Variants in CAPZA2 observed in about 807,000 individuals in gnomAD.
CAPZA2 encodes the protein capping actin protein of muscle Z-line subunit alpha 2.
In CAPZA2, 13 loss-of-function variants were observed where a neutral mutation model predicts 44.0. That is an observed-to-expected ratio of 0.30 (90% CI 0.19 to 0.47). CAPZA2 has a LOEUF of 0.47. Among genes scored for constraint, CAPZA2 ranks in the 20% least tolerant of loss-of-function variants. CAPZA2 has a pLI of 1.00. For synonymous variants in CAPZA2, 94 were observed against 108.2 expected (o/e 0.87, Z 0.81); for missense variants, 244 against 338.6 (o/e 0.72, Z 2.19).
At chr7:116,881,694 G>C (rs961371247) in intron 1 of CAPZA2, among the ~76,000 whole-genome samples, 1 of 133,810 alleles carries the variant, frequency 7.5e-6, no homozygotes, top group Non-Finnish European at 1.5e-5. Flanking sequence ...AGCCAAGATC[G>C]CACCACTGCA....
At chr7:116,890,864 A>G (rs1463463944) in intron 2 of CAPZA2, among the ~76,000 whole-genome samples, 1 of 147,288 alleles carries the variant, frequency 6.8e-6, no homozygotes, top group Non-Finnish European at 1.5e-5. Flanking sequence ...TTCTATTTTT[A>G]TTGAAAACCA....
rs1791733543 is a variant in CAPZA2, at chr7:116,919,460, C to T, written c.*1593C>T. ...CAGTTAGGCCATCATGAGTTTCTATCCCATGAAAGTCATCAATTTCCTATC... is the reference window on the plus strand; with the variant it reads ...CAGTTAGGCCATCATGAGTTTCTATTCCATGAAAGTCATCAATTTCCTATC... On this transcript the variant is annotated 3_prime_UTR_variant, in exon 10 of 10. Transcript: ENST00000361183. 6.6e-6 allele frequency: 1 copy of T among 151,634 alleles called. No individual in the cohort carries two copies. Among genetic ancestry groups the T allele is most frequent in the Non-Finnish European group, 1.5e-5 (1 of 67,972 alleles). 9.4% of individuals were successfully genotyped at this position (151,634 alleles called of 1,614,324 possible).
chr7:116,869,963 G>A (rs1039321342), intron 1 of CAPZA2, among the ~76,000 whole-genome samples: 2 of 152,034 alleles, frequency 1.3e-5, no homozygotes, highest in African/African-American at 2.4e-5. Flanking sequence ...TCTGCCTCCC[G>A]GGTTCAGGCA....
At chr7:116,866,782 A>G (rs796106085) in intron 1 of CAPZA2, among the ~76,000 whole-genome samples, 32 of 152,222 alleles carry the variant, frequency 2.1e-4, no homozygotes, top group African/African-American at 5.8e-4. Flanking sequence ...TCCCAGGTAC[A>G]TAGCTGTAGC....
intron 6 of CAPZA2, among the ~76,000 whole-genome samples, chr7:116,906,969 TG>T (rs1791522802): frequency 6.6e-6 from 1 of 152,248 alleles, no homozygotes; most frequent in African/African-American, 2.4e-5. Flanking sequence ...TACAAAATTC[TG>T]AGGTTCTTTA....
At chr7:116,888,378 C>G (rs888747887) in intron 2 of CAPZA2, 188 bp downstream of exon 2, 2 of 437,026 alleles carry the variant, frequency 4.6e-6, no homozygotes, top group Non-Finnish European at 8.0e-6. Context: ...TATGATGATT[C>G]TGTTAGCAAA....
At chr7:116,882,286 G>A (rs927630011) in intron 1 of CAPZA2, among the ~76,000 whole-genome samples, 4 of 152,102 alleles carry the variant, frequency 2.6e-5, no homozygotes, top group Non-Finnish European at 5.9e-5. Flanking sequence ...GGTCACCCAA[G>A]GTGGTTTTCT....
At position 116,904,044 on chromosome 7, in the gene CAPZA2, T is replaced by C; in HGVS notation, c.220-133T>C. The C allele has an allele frequency of 4.8e-6, 3 of 620,962 alleles. No homozygotes were observed. The South Asian group carries it at 6.1e-5, about 13-fold the overall frequency. 38.5% of individuals were successfully genotyped at this position (620,962 alleles called of 1,614,324 possible). A position where few individuals can be genotyped will look rare whatever the true frequency, so the allele number is the denominator to read the frequency against. ...TTGAAGTATTAATAGTTGTACCATA[T>C]GGTTAAAATATATGCTTGGAGTAGG... On this transcript the variant is annotated intron_variant, in intron 4 of 9. Transcript: ENST00000361183.
At chr7:116,872,824 C>T (rs966244554) in intron 1 of CAPZA2, among the ~76,000 whole-genome samples, 1 of 152,078 alleles carries the variant, frequency 6.6e-6, no homozygotes, top group Non-Finnish European at 1.5e-5. Flanking sequence ...CAAGTAAAAC[C>T]TATAAGTCAT....
chr7:116,917,604 T>G (rs745559230), intron 9 of CAPZA2, 123 bp from the exon 10 acceptor site: 15 of 743,012 alleles, frequency 2.0e-5, no homozygotes, highest in Non-Finnish European at 3.5e-5. Context: ...GGGATTTTAT[T>G]TGACTGTTTA....
intron 7 of CAPZA2, 137 bp from the exon 8 acceptor site, chr7:116,911,932 C>G: frequency 6.9e-7 from 1 of 1,440,592 alleles, no homozygotes; most frequent in Non-Finnish European, 9.3e-7. Flanking sequence ...TGCTGGAGTT[C>G]AAAAGTTTTG....
intron 1 of CAPZA2, among the ~76,000 whole-genome samples, chr7:116,886,653 C>G (rs1283541265): frequency 6.6e-6 from 1 of 152,222 alleles, no homozygotes; most frequent in African/African-American, 2.4e-5. Context: ...ATAAAAATCA[C>G]CTGGAGATGT....
chr7:116,900,255 G>C (rs1796979268), intron 4 of CAPZA2, among the ~76,000 whole-genome samples: 1 of 151,934 alleles, frequency 6.6e-6, no homozygotes, highest in East Asian at 1.9e-4. Context: ...AGGTATGCCT[G>C]CTTATCAGCA....
chr7:116,876,913 A>G (rs1796629880), intron 1 of CAPZA2, among the ~76,000 whole-genome samples: 1 of 152,224 alleles, frequency 6.6e-6, no homozygotes, highest in Non-Finnish European at 1.5e-5. Flanking sequence ...AGACTTTAGT[A>G]AGTATCAAGA....
At chr7:116,890,777 CA>C (rs576504004) in intron 2 of CAPZA2, among the ~76,000 whole-genome samples, 3 of 53,430 alleles carry the variant, frequency 5.6e-5, no homozygotes, top group South Asian at 1.2e-3. Context: ...GACTCTGTCT[CA>C]AAAAAAAAAA....
intron 3 of CAPZA2, among the ~76,000 whole-genome samples, chr7:116,896,784 A>T (rs868158234): frequency 2.6e-5 from 4 of 152,096 alleles, no homozygotes; most frequent in South Asian, 2.1e-4. Context: ...ATTTGCATAG[A>T]TGGAGGGGTG....
intron 6 of CAPZA2, chr7:116,909,726 G>C (rs1791563761): frequency 5.9e-6 from 1 of 168,310 alleles, no homozygotes; most frequent in African/African-American, 2.4e-5. Flanking sequence ...AAACTACACT[G>C]AGTGTATTCA....
intron 2 of CAPZA2, among the ~76,000 whole-genome samples, chr7:116,891,630 G>A (rs1413795679): frequency 3.3e-5 from 5 of 152,136 alleles, no homozygotes; most frequent in Admixed American, 6.5e-5. Context: ...TCCTGCCTCA[G>A]CCTCCCAAGC....
intron 1 of CAPZA2, chr7:116,880,281 ATT>A: frequency 5.9e-6 from 2 of 340,620 alleles, no homozygotes; most frequent in South Asian, 4.8e-5. Flanking sequence ...GTAAACTTAC[ATT>A]TTAATTAATC....
Sources: allele counts gnomAD v4.1 joint callset (sites outside exome capture counted in the v4.1 genomes callset), GRCh38; gene constraint gnomAD v4.1.1; transcripts MANE v1.5; gene names NCBI Gene and HGNC (gene_info 2026-07-23, HGNC 2026-07-21).